The following GOLGA4 variants were observed in gnomAD, a reference collection of about 807,000 sequenced individuals.
GOLGA4 encodes the protein golgin subfamily A member 4.
A neutral mutation model predicts 265.9 loss-of-function variants in GOLGA4; 169 were observed. That is an observed-to-expected ratio of 0.64 (90% CI 0.56 to 0.72). GOLGA4 has a LOEUF of 0.72. GOLGA4 is among the 30% of genes least tolerant of loss of function. GOLGA4 has a pLI of 0.00. For missense variants in GOLGA4, 2,482 were observed against 2,483.4 expected (o/e 1.00, Z 0.01); for synonymous variants, 923 against 855.8 (o/e 1.08, Z -1.37).
At chr3:37,356,785 T>C (rs780325175) in intron 22 of GOLGA4, among the ~76,000 whole-genome samples, 1 of 152,192 alleles carries the variant, frequency 6.6e-6, no homozygotes, top group African/African-American at 2.4e-5. Flanking sequence ...TTAAATGATA[T>C]AAAAGGGCTT....
chr3:37,315,920 G>A (rs1478754149), intron 11 of GOLGA4, among the ~76,000 whole-genome samples: 1 of 152,130 alleles, frequency 6.6e-6, no homozygotes, highest in Non-Finnish European at 1.5e-5. Flanking sequence ...CAGAGAACTT[G>A]GCCAAGAAGG....
At position 37,299,004 on chromosome 3, in the gene GOLGA4, A is replaced by G. The variant is rs568985681; in HGVS notation, c.986A>G (p.Glu329Gly). 6.3e-7 allele frequency: 1 copy of G among 1,591,386 alleles called. No individual in the cohort carries two copies. Among genetic ancestry groups the G allele is most frequent in the African/African-American group, 1.4e-5 (1 of 73,342 alleles). ...GAACAACTGGATGAAAGACTTCAAGAACTAGAAAAGATAAAGGTAAAAGAG... is the reference window on the plus strand; with the variant it reads ...GAACAACTGGATGAAAGACTTCAAGGACTAGAAAAGATAAAGGTAAAAGAG... ...LQEQLDERLQ[E>G]LEKIKDLHMA... The change falls in exon 8 of 24, where the codon GAA becomes GGA. Residue 329 changes from glutamate to glycine, a missense_variant. By Grantham distance (98) the Glu-to-Gly change is moderately conservative. Transcript: ENST00000361924.
intron 4 of GOLGA4, 27 bp from the exon 5 acceptor site, chr3:37,289,208 C>T (rs769496657): frequency 1.4e-6 from 2 of 1,408,194 alleles, no homozygotes; most frequent in South Asian, 1.3e-5. Flanking sequence ...GCTGTTTAAC[C>T]AGCTTTTTTT....
At chr3:37,344,377 T>C (rs551932317) in intron 20 of GOLGA4, among the ~76,000 whole-genome samples, 2 of 152,124 alleles carry the variant, frequency 1.3e-5, no homozygotes, top group Non-Finnish European at 2.9e-5. Flanking sequence ...GCTGGGTCTA[T>C]AGGCATGAGC....
At chr3:37,278,184 T>A (rs571339415) in intron 2 of GOLGA4, among the ~76,000 whole-genome samples, 13 of 151,990 alleles carry the variant, frequency 8.6e-5, no homozygotes, top group Admixed American at 6.6e-4. Context: ...GAGTATGATT[T>A]AAAATGCATA....
intron 1 of GOLGA4, among the ~76,000 whole-genome samples, chr3:37,246,590 G>T (rs2096720348): frequency 6.6e-6 from 1 of 152,198 alleles, no homozygotes; most frequent in African/African-American, 2.4e-5. Context: ...AAAATAGAAT[G>T]GTTGTTGCCA....
At chr3:37,301,533 A>G (rs1027277917) in intron 9 of GOLGA4, among the ~76,000 whole-genome samples, 1 of 152,238 alleles carries the variant, frequency 6.6e-6, no homozygotes, top group Non-Finnish European at 1.5e-5. Flanking sequence ...TCAGAAGACT[A>G]TATTTTGTTC....
intron 16 of GOLGA4, among the ~76,000 whole-genome samples, chr3:37,331,446 T>C (rs991869358): frequency 1.3e-5 from 2 of 152,278 alleles, no homozygotes; most frequent in Admixed American, 6.5e-5. Flanking sequence ...TTTTAAAAAA[T>C]GCAAATACTA....
At chr3:37,299,096 C>G in intron 8 of GOLGA4, 76 bp downstream of exon 8, 6 of 1,276,506 alleles carry the variant, frequency 4.7e-6, no homozygotes, top group Non-Finnish European at 6.6e-6. Context: ...TGGCTTGTAC[C>G]TCCGGGAGAG....
chr3:37,282,320 C>A, intron 3 of GOLGA4, 48 bp downstream of exon 3: 1 of 1,356,630 alleles, frequency 7.4e-7, no homozygotes, highest in Non-Finnish European at 1.0e-6. Flanking sequence ...TCCCCTTGTT[C>A]TCTCATTCAT....
intron 2 of GOLGA4, chr3:37,276,586 G>A (rs903009965): frequency 3.1e-6 from 5 of 1,588,364 alleles, no homozygotes; most frequent in Non-Finnish European, 3.4e-6. Flanking sequence ...GAAATCGATG[G>A]AAGTTCTGTT....
chr3:37,328,630 T>A, intron 15 of GOLGA4, 93 bp downstream of exon 15: 1 of 1,132,242 alleles, frequency 8.8e-7, no homozygotes, highest in Non-Finnish European at 1.2e-6. Context: ...GTGCATTAAG[T>A]CATTAAACTG....
chr3:37,314,682 C>CACACACACACACA (rs148252805), intron 10 of GOLGA4, among the ~76,000 whole-genome samples: 2 of 142,578 alleles, frequency 1.4e-5, no homozygotes, highest in African/African-American at 2.5e-5. Flanking sequence ...CACACACACA[C>CACACACACACACA]GAAAAAAACC....
At chr3:37,273,241 GA>G (rs1158784598) in intron 2 of GOLGA4, among the ~76,000 whole-genome samples, 2 of 152,096 alleles carry the variant, frequency 1.3e-5, no homozygotes, top group African/African-American at 4.8e-5. Flanking sequence ...TGTTATGGGG[GA>G]AAAACTGGGG....
At position 37,324,469 on chromosome 3, in the gene GOLGA4, C is replaced by A; in HGVS notation, c.2583C>A (p.Ile861=). 1 of 1,614,104 alleles carries A rather than the reference C, an allele frequency of 6.2e-7. No homozygotes were observed. Among genetic ancestry groups the A allele is most frequent in the South Asian group, 1.1e-5 (1 of 91,070 alleles). The change falls in exon 14 of 24, where the codon ATC becomes ATA. Residue 861 remains isoleucine, a synonymous_variant. Transcript: ENST00000361924. ...GTACTGAGTTAGATGCTCACAAAAT[C>A]CAGGTGCAGGACTTAATGCAGCAAC... ...DVCTELDAHK[I]QVQDLMQQLE... is the part of the protein sequence containing the mutation.
In GOLGA4 at chr3:37,337,130, T is replaced by C. The variant is rs781475449; in HGVS notation, c.6307-13T>C. 4.9e-6 allele frequency: 7 copies of C among 1,430,618 alleles called. No individual in the cohort carries two copies. Among genetic ancestry groups the C allele is most frequent in the South Asian group, 2.4e-5 (2 of 84,504 alleles). 88.6% of individuals were successfully genotyped at this position (1,430,618 alleles called of 1,614,324 possible). A position where few individuals can be genotyped will look rare whatever the true frequency, so the allele number is the denominator to read the frequency against. ...ATTGTATACACTCATGTTTTTTCTT[T>C]CCATTTTTTCAGGTAACAATTATGG... On this transcript the variant is annotated splice_polypyrimidine_tract_variant and intron_variant, in intron 17 of 23. Coordinates refer to ENST00000361924, the MANE Select transcript of GOLGA4 (RefSeq NM_002078.5).
intron 23 of GOLGA4, among the ~76,000 whole-genome samples, chr3:37,364,760 T>A (rs553426064): frequency 8.1e-4 from 118 of 145,482 alleles, no homozygotes; most frequent in East Asian, 1.8e-3. Context: ...CTATTTTTTT[T>A]AAAAAAAAGT....
chr3:37,322,649 A>C (rs1049524663), intron 13 of GOLGA4, among the ~76,000 whole-genome samples: 2 of 152,150 alleles, frequency 1.3e-5, no homozygotes, highest in Non-Finnish European at 2.9e-5. Context: ...AATTAATTGT[A>C]CTTTAATTTC....
rs1334008433 is a variant in GOLGA4 at position 37,315,402 on chromosome 3, CTGT to C, written c.1235-13_1235-11del. 62 of 1,595,802 alleles carry C rather than the reference CTGT, an allele frequency of 3.9e-5. No homozygotes were observed. The highest frequency in any genetic ancestry group is 2.3e-4 in the Admixed American group (13 of 55,788). ...TAATATTTCTTGAGATACTTGTTTT[CTGT>C]TGTTTTCATTATAGCTTTTGAGGAA... is the stretch of plus-strand genomic sequence containing the variant. On this transcript the variant is annotated splice_polypyrimidine_tract_variant and intron_variant, in intron 10 of 23. Transcript: ENST00000361924.
Sources: allele counts gnomAD v4.1 joint callset (sites outside exome capture counted in the v4.1 genomes callset), GRCh38; gene constraint gnomAD v4.1.1; transcripts MANE v1.5; gene names NCBI Gene and HGNC (gene_info 2026-07-23, HGNC 2026-07-21).